Variants in RILPL2 observed in about 807,000 individuals in gnomAD.
RILPL2 encodes RILP-like protein 2.
In RILPL2, 19 loss-of-function variants were observed where a neutral mutation model predicts 22.2. The observed-to-expected ratio is 0.86, with a 90% CI of 0.60 to 1.25. RILPL2 has a LOEUF of 1.25. RILPL2 is among the 50% of genes most tolerant of loss of function. The pLI, the probability that RILPL2 is intolerant of heterozygous loss-of-function variation, is 0.00. For missense variants in RILPL2, 243 were observed against 263.6 expected (o/e 0.92, Z 0.54); for synonymous variants, 123 against 111.6 (o/e 1.10, Z -0.64).
downstream of RILPL2, chr12:123,412,619 C>G (rs1346033687): frequency 6.6e-6 from 1 of 152,210 alleles, no homozygotes; most frequent in Non-Finnish European, 1.5e-5. Flanking sequence ...CACTTTCTAG[C>G]TGAGGACCTT....
At chr12:123,412,868 C>G (rs914755889), downstream of RILPL2, 2 of 152,112 alleles carry the variant, frequency 1.3e-5, no homozygotes, top group African/African-American at 4.8e-5. Context: ...CCTGGGCAAG[C>G]TGCTTCCTAG....
At position 123,436,434 on chromosome 12, in the gene RILPL2, C is replaced by A; in HGVS notation, c.-14G>T. 6.5e-7 allele frequency: 1 copy of A among 1,543,412 alleles called. No homozygotes were observed. ...GGGCTCCTCCATGGCCACCCAGACC[C>A]CCGCCGACCTCGGAGCTGCTGTCTT... is the stretch of plus-strand genomic sequence containing the variant. On this transcript the variant is annotated 5_prime_UTR_variant, in exon 1 of 4. Coordinates refer to ENST00000280571, the MANE Select transcript of RILPL2 (RefSeq NM_145058.3). This position sits in a 1 kb window ranked among gnomAD's most constrained non-coding sequence, Gnocchi z 6.7.
At chr12:123,418,756 CTTTT>C (rs1202023726) in intron 3 of RILPL2, among the ~76,000 whole-genome samples, 3 of 96,238 alleles carry the variant, frequency 3.1e-5, no homozygotes, top group South Asian at 4.1e-4. Flanking sequence ...CTTTTTCTTT[CTTTT>C]TTTTTTTTTT....
At chr12:123,419,112 G>A (rs897493961) in intron 3 of RILPL2, among the ~76,000 whole-genome samples, 3 of 151,070 alleles carry the variant, frequency 2.0e-5, no homozygotes, top group East Asian at 3.9e-4. Flanking sequence ...CTGGGTTCAC[G>A]CCATTCTCCT....
chr12:123,410,836 T>G (rs1878953041), downstream of RILPL2: 1 of 152,200 alleles, frequency 6.6e-6, no homozygotes. Flanking sequence ...TACTCAGGAC[T>G]AATAGCTAAT....
intron 1 of RILPL2, among the ~76,000 whole-genome samples, chr12:123,432,980 ATAAT>A (rs1256198800): frequency 6.7e-6 from 1 of 150,332 alleles, no homozygotes; most frequent in Non-Finnish European, 1.5e-5. Context: ...AATAATAATA[ATAAT>A]TAAGAAGAAG....
chr12:123,435,746 A>G (rs774084145), intron 1 of RILPL2, among the ~76,000 whole-genome samples: 5 of 152,196 alleles, frequency 3.3e-5, no homozygotes, highest in Non-Finnish European at 5.9e-5. Context: ...GTCAAAAGAA[A>G]AAAAAAGTGT....
At chr12:123,435,050 C>A (rs1441050787) in intron 1 of RILPL2, among the ~76,000 whole-genome samples, 1 of 151,540 alleles carries the variant, frequency 6.6e-6, no homozygotes, top group South Asian at 2.1e-4. Context: ...CGTGGTGGCA[C>A]ACGCTTGCAA....
intron 1 of RILPL2, 112 bp downstream of exon 1, chr12:123,435,970 A>C: frequency 1.4e-6 from 2 of 1,404,060 alleles, no homozygotes; most frequent in Non-Finnish European, 1.9e-6. Context: ...TCTTAAAAAA[A>C]GAAAAAAGAG....
At chr12:123,427,302 C>G (rs1879468758) in intron 2 of RILPL2, among the ~76,000 whole-genome samples, 1 of 152,050 alleles carries the variant, frequency 6.6e-6, no homozygotes, top group Non-Finnish European at 1.5e-5. Flanking sequence ...AGGAAGCATT[C>G]TAAGAGCACA....
chr12:123,410,752 C>T (rs1221134764), downstream of RILPL2: 1 of 151,586 alleles, frequency 6.6e-6, no homozygotes, highest in Non-Finnish European at 1.5e-5. Context: ...GTGCCTTGCA[C>T]ATAGCCTTCA....
chr12:123,431,185 G>C (rs1399527993), intron 1 of RILPL2, among the ~76,000 whole-genome samples: 1 of 152,154 alleles, frequency 6.6e-6, no homozygotes, highest in Non-Finnish European at 1.5e-5. Flanking sequence ...GATAAAGAAA[G>C]TATAGTATAT....
chr12:123,427,668 A>C, intron 2 of RILPL2, among the ~76,000 whole-genome samples: 1 of 151,970 alleles, frequency 6.6e-6, no homozygotes, highest in Non-Finnish European at 1.5e-5. Context: ...CAGCCTCCTG[A>C]ACAGCTGGGA....
intron 1 of RILPL2, among the ~76,000 whole-genome samples, chr12:123,432,976 A>G (rs1447741530): frequency 6.6e-6 from 1 of 150,430 alleles, no homozygotes; most frequent in African/African-American, 2.5e-5. Flanking sequence ...GGCAAATAAT[A>G]ATAATAATTA....
At chr12:123,434,143 G>A (rs1386879335) in intron 1 of RILPL2, among the ~76,000 whole-genome samples, 8 of 152,116 alleles carry the variant, frequency 5.3e-5, no homozygotes, top group Admixed American at 5.2e-4. Flanking sequence ...ACTAGGCTGG[G>A]CATGGTGGCT....
At chr12:123,413,594 T>C (rs1209145082), downstream of RILPL2, 1 of 152,122 alleles carries the variant, frequency 6.6e-6, no homozygotes, top group Non-Finnish European at 1.5e-5. Context: ...GAGTAAGCAG[T>C]AGTAAGATTT....
At chr12:123,435,794 C>G (rs979098026) in intron 1 of RILPL2, among the ~76,000 whole-genome samples, 1 of 152,050 alleles carries the variant, frequency 6.6e-6, no homozygotes, top group African/African-American at 2.4e-5. Context: ...ACTGTGGACC[C>G]TGGGCCAATA....
chr12:123,419,726 C>T (rs149009247), intron 3 of RILPL2, among the ~76,000 whole-genome samples: 1,564 of 151,502 alleles, frequency 0.01, 29 homozygotes, highest in African/African-American at 0.036. Context: ...CTACTTCAGC[C>T]TCCCGAGTAG....
At position 123,430,476 on chromosome 12, in the gene RILPL2, G is replaced by C. The variant is rs185011241; in HGVS notation, c.491+32C>G. The C allele has an allele frequency of 6.4e-4, 1,000 of 1,556,998 alleles. 1 individual carries two copies. Among genetic ancestry groups the C allele is most frequent in the Middle Eastern group, 2.4e-3 (13 of 5,318 alleles). On this transcript the variant is annotated intron_variant, in intron 2 of 3. Transcript: ENST00000280571. The stretch of plus-strand genomic sequence containing the variant: ...TAGCAAGGAATTCTGGGCCAGGTCT[G>C]GGTGCAGGACCCTCCAGGCAGTGGA...
Sources: allele counts gnomAD v4.1 joint callset (sites outside exome capture counted in the v4.1 genomes callset), GRCh38; gene constraint gnomAD v4.1.1; non-coding constraint Gnocchi (gnomAD v3.1); transcripts MANE v1.5; gene names NCBI Gene and HGNC (gene_info 2026-07-23, HGNC 2026-07-21).